INTS14: variants seen among roughly 807,000 people sequenced by gnomAD.
INTS14 encodes integrator complex subunit 14, also known as UPF0464 protein C15orf44.
In INTS14, 27 loss-of-function variants were observed where a neutral mutation model predicts 56.9. That is an observed-to-expected ratio of 0.47 (90% CI 0.35 to 0.65). INTS14 has a LOEUF of 0.65. Ranked by LOEUF, INTS14 falls within the 30% of genes least tolerant of loss-of-function variation. INTS14 has a pLI of 0.00. For missense variants in INTS14, 517 were observed against 632.2 expected (o/e 0.82, Z 1.95); for synonymous variants, 207 against 236.2 (o/e 0.88, Z 1.13).
At chr15:65,592,020 A>T (rs1475014972) in intron 8 of INTS14, among the ~76,000 whole-genome samples, 1 of 152,236 alleles carries the variant, frequency 6.6e-6, no homozygotes, top group East Asian at 1.9e-4. Flanking sequence ...AAGTAGCTGG[A>T]GAGGTGATGA....
chr15:65,607,335 G>T lies in INTS14; in HGVS notation c.46C>A (p.Pro16Thr), dbSNP rs764460629. ...TCCTCGGACCCCTCAATAGACACAG[G>T]TCGGGTCATGGAAAGGGATACATCC... is the stretch of plus-strand genomic sequence containing the variant. ...VMDVSLSMTR[P>T]VSIEGSEEYQ... Residue 16 changes from proline to threonine, a missense_variant, in exon 2 of 12, where the codon CCT becomes ACT. Physicochemically the swap from Pro to Thr is conservative, Grantham distance 38 (BLOSUM62 -1). Transcript: ENST00000313182. The T allele has an allele frequency of 1.9e-6, 3 of 1,614,160 alleles. No individual in the cohort carries two copies. The highest frequency in any genetic ancestry group is 2.5e-6 in the Non-Finnish European group (3 of 1,180,052).
intron 1 of INTS14, among the ~76,000 whole-genome samples, chr15:65,610,294 G>A (rs1040249600): frequency 6.6e-6 from 1 of 152,190 alleles, no homozygotes; most frequent in African/African-American, 2.4e-5. Context: ...AGGAGGCAGA[G>A]GTTGCAGTGA....
At chr15:65,609,194 C>T (rs574089318) in intron 1 of INTS14, among the ~76,000 whole-genome samples, 2 of 152,294 alleles carry the variant, frequency 1.3e-5, no homozygotes, top group East Asian at 3.9e-4. Context: ...ACCTCGTGAT[C>T]CACCTGCCTC....
At chr15:65,603,708 C>T (rs1306142171) in intron 3 of INTS14, among the ~76,000 whole-genome samples, 1 of 152,138 alleles carries the variant, frequency 6.6e-6, no homozygotes, top group Non-Finnish European at 1.5e-5. Flanking sequence ...AAGTCACACA[C>T]CAGGGTCCAG....
intron 9 of INTS14, among the ~76,000 whole-genome samples, chr15:65,590,689 T>C (rs2072993836): frequency 6.6e-6 from 1 of 152,222 alleles, no homozygotes; most frequent in Non-Finnish European, 1.5e-5. Flanking sequence ...CTAACTCTGA[T>C]TTGTGCCAGT....
At chr15:65,593,096 TAAAA>T (rs765099877) in intron 8 of INTS14, among the ~76,000 whole-genome samples, 1 of 136,036 alleles carries the variant, frequency 7.4e-6, no homozygotes, top group Non-Finnish European at 1.6e-5. Flanking sequence ...TTCTATAAAT[TAAAA>T]AAAAAAAAAA....
At chr15:65,605,095 T>G in intron 3 of INTS14, 34 bp downstream of exon 3, 1 of 1,526,752 alleles carries the variant, frequency 6.5e-7, no homozygotes, top group Non-Finnish European at 9.1e-7. Flanking sequence ...TTAATGTTGT[T>G]AACTTAGGGC....
chr15:65,599,060 G>A (rs1245373746), intron 4 of INTS14, 70 bp from the exon 5 acceptor site: 5 of 1,097,604 alleles, frequency 4.6e-6, no homozygotes, highest in Non-Finnish European at 6.6e-6. Context: ...GCTCACCAAG[G>A]TCAAAGCCAT....
chr15:65,605,286 G>T (rs2141323761), intron 2 of INTS14, 50 bp from the exon 3 acceptor site: 2 of 1,395,776 alleles, frequency 1.4e-6, no homozygotes, highest in Non-Finnish European at 2.0e-6. Context: ...TTTTAATTAG[G>T]TATTAGAAAA....
At chr15:65,608,562 CTAT>C (rs1163155851) in intron 1 of INTS14, among the ~76,000 whole-genome samples, 1 of 152,078 alleles carries the variant, frequency 6.6e-6, no homozygotes, top group Non-Finnish European at 1.5e-5. Flanking sequence ...TGCTGCTACT[CTAT>C]TATTAAGCAA....
Position 65,598,980 on chromosome 15 carries a change from G to A in INTS14, c.497C>T (p.Thr166Ile). 6.2e-7 allele frequency: 1 copy of A among 1,613,128 alleles called. No homozygotes were observed. Among genetic ancestry groups the A allele is most frequent in the Non-Finnish European group, 8.5e-7 (1 of 1,179,578 alleles). Residue 166 changes from threonine to isoleucine, a missense_variant, in exon 5 of 12, where the codon ACC (threonine) becomes ATC (isoleucine). Transcript: ENST00000313182. ...CMANLEELQS[T>I]DSLECLERLI... is the part of the protein sequence containing the mutation. ...ACGTTCAAGGCATTCCAAGGAATCGGTGCTCTGGAGCTATAAAGCAAAACA... is the reference window on the plus strand; with the variant it reads ...ACGTTCAAGGCATTCCAAGGAATCGATGCTCTGGAGCTATAAAGCAAAACA...
intron 3 of INTS14, 142 bp from the exon 4 acceptor site, chr15:65,600,071 G>T: frequency 2.3e-6 from 2 of 872,054 alleles, no homozygotes; most frequent in Non-Finnish European, 3.4e-6. Flanking sequence ...GCTTTGGGAG[G>T]CCAAGGCAGG....
intron 8 of INTS14, among the ~76,000 whole-genome samples, chr15:65,592,469 G>A (rs964740919): frequency 3.3e-5 from 5 of 152,132 alleles, no homozygotes; most frequent in Non-Finnish European, 5.9e-5. Context: ...AAAAGCTAAC[G>A]GGGTTTCCTC....
intron 3 of INTS14, among the ~76,000 whole-genome samples, chr15:65,604,588 G>A (rs2141321055): frequency 6.6e-6 from 1 of 152,042 alleles, no homozygotes; most frequent in Admixed American, 6.6e-5. Context: ...AAATTAGCCA[G>A]GTATGGTGGC....
At chr15:65,580,240 C>T (rs907345079) in intron 11 of INTS14, among the ~76,000 whole-genome samples, 1 of 152,126 alleles carries the variant, frequency 6.6e-6, no homozygotes, top group African/African-American at 2.4e-5. Context: ...TCTCAAAGGC[C>T]TCATTTATAA....
intron 10 of INTS14, among the ~76,000 whole-genome samples, chr15:65,582,498 C>T (rs1252084544): frequency 1.3e-5 from 2 of 152,112 alleles, no homozygotes; most frequent in East Asian, 3.9e-4. Flanking sequence ...AGTGGTGTGC[C>T]CCTGTAATCC....
intron 4 of INTS14, 83 bp downstream of exon 4, chr15:65,599,691 A>G (rs1303986012): frequency 3.5e-6 from 5 of 1,430,604 alleles, no homozygotes; most frequent in Non-Finnish European, 4.8e-6. Flanking sequence ...TATATACAAT[A>G]TAGCACTAGT....
chr15:65,594,199 T>C lies in INTS14; in HGVS notation c.842-627A>G, dbSNP rs528497547. On this transcript the variant is annotated intron_variant, in intron 7 of 11. Coordinates refer to ENST00000313182, the MANE Select transcript of INTS14 (RefSeq NM_001394796.1). ...AAACAATGATTATAAGCTTTTTGAC[T>C]GGATTCTCCAGTTTCTCTCACACTC... Among the ~76,000 whole-genome samples the C allele has an allele frequency of 1.4e-4, 21 of 152,328 alleles. 1 individual carries two copies. In the South Asian group the frequency reaches 4.1e-3, roughly 30 times the overall value.
intron 2 of INTS14, among the ~76,000 whole-genome samples, chr15:65,606,234 G>A (rs2073642914): frequency 7.2e-6 from 1 of 138,568 alleles, no homozygotes; most frequent in African/African-American, 2.7e-5. Context: ...CAGCCTGGGC[G>A]ACAGCGAGAC....
Sources: gnomAD v4.1 joint callset for allele counts (sites outside exome capture counted in the v4.1 genomes callset) on GRCh38, gnomAD v4.1.1 for gene constraint, MANE v1.5 for transcripts, NCBI Gene and HGNC (gene_info 2026-07-23, HGNC 2026-07-21) for gene names.